UVRAG: variants seen among roughly 807,000 people sequenced by gnomAD.
UVRAG encodes UV radiation resistance-associated gene protein.
A neutral mutation model predicts 78.0 loss-of-function variants in UVRAG; 19 were observed. That is an observed-to-expected ratio of 0.24 (90% CI 0.17 to 0.36). The LOEUF (loss-of-function observed/expected upper bound fraction) is 0.36, where lower values mean the gene tolerates loss of function less well. Ranked by LOEUF, UVRAG falls within the 10% of genes least tolerant of loss-of-function variation. UVRAG has a pLI of 1.00. For missense variants in UVRAG, 740 were observed against 853.8 expected, an observed-to-expected ratio of 0.87 and a Z score of 1.66; for synonymous variants, 323 against 324.6, an observed-to-expected ratio of 1.00 and a Z score of 0.05.
intron 2 of UVRAG, among the ~76,000 whole-genome samples, chr11:75,859,518 C>T (rs967096199): frequency 2.0e-5 from 3 of 151,624 alleles, no homozygotes; most frequent in African/African-American, 7.3e-5. Context: ...TAAACAATAA[C>T]AATAAAAATT....
chr11:75,894,267 A>G (rs1200574730), intron 5 of UVRAG, among the ~76,000 whole-genome samples: 1 of 152,056 alleles, frequency 6.6e-6, no homozygotes, highest in African/African-American at 2.4e-5. Flanking sequence ...TGAGGGTAAA[A>G]GTTTCAAAAC....
chr11:76,020,649 CTTT>C (rs35112254), intron 12 of UVRAG, among the ~76,000 whole-genome samples: 32 of 52,258 alleles, frequency 6.1e-4, no homozygotes, highest in African/African-American at 2.1e-3. Context: ...AAGAAGGAGT[CTTT>C]TTTTTTTTTT....
chr11:75,930,716 AGTT>A (rs1948214060), intron 6 of UVRAG: 1 of 152,230 alleles, frequency 6.6e-6, no homozygotes. Flanking sequence ...GGTAGAAAGA[AGTT>A]GTCGTGTGGA....
At position 75,945,756 on chromosome 11, in the gene UVRAG, G is replaced by T. The variant is rs368200840; in HGVS notation, c.594-15688G>T. 5.9e-4 allele frequency among the ~76,000 whole-genome samples: 89 copies of T among 152,028 alleles called. 1 individual carries two copies. The highest frequency in any genetic ancestry group is 2.1e-3 in the African/African-American group (87 of 41,462). ...TGACCCTGTGCTCCAGCCTTGCTAA[G>T]CTGCTTACAGTTCCTGAAAATGTTA... is the stretch of plus-strand genomic sequence containing the variant. On this transcript the variant is annotated intron_variant, in intron 6 of 14. Coordinates refer to ENST00000356136, the MANE Select transcript of UVRAG (RefSeq NM_003369.4).
At chr11:75,951,973 GA>G (rs1444094778) in intron 6 of UVRAG, among the ~76,000 whole-genome samples, 1 of 152,126 alleles carries the variant, frequency 6.6e-6, no homozygotes, top group Non-Finnish European at 1.5e-5. Flanking sequence ...TCCAATCCAT[GA>G]AATGATATAT....
At chr11:76,075,397 G>C (rs970052471) in intron 13 of UVRAG, among the ~76,000 whole-genome samples, 1 of 152,118 alleles carries the variant, frequency 6.6e-6, no homozygotes, top group Non-Finnish European at 1.5e-5. Context: ...GATCACTTGA[G>C]GTCAGGAGTT....
rs113400461 is a variant in UVRAG, at chr11:75,984,261, T to A, written c.826+748T>A. On this transcript the variant is annotated intron_variant, in intron 8 of 14. Transcript: ENST00000356136. ...AGGGTGAACAACCGGTACTCTATAA[T>A]GTACTCTGTTGCTAGTGTTTTTTGG... 6.2e-3 allele frequency among the ~76,000 whole-genome samples: 949 copies of A among 152,344 alleles called. 11 individuals carry two copies. Among genetic ancestry groups the A allele is most frequent in the African/African-American group, 0.022 (906 of 41,582 alleles).
intron 12 of UVRAG, among the ~76,000 whole-genome samples, chr11:76,033,265 A>G (rs1301974167): frequency 7.2e-5 from 11 of 152,186 alleles, no homozygotes. Flanking sequence ...GGAAAGCAAA[A>G]ATAATGGCTT....
chr11:76,105,444 A>T (rs1023923368), intron 13 of UVRAG, among the ~76,000 whole-genome samples: 2 of 152,068 alleles, frequency 1.3e-5, no homozygotes, highest in Non-Finnish European at 2.9e-5. Context: ...CATTAGGAAC[A>T]TGCAAATTAA....
Position 76,031,086 on chromosome 11 carries a change from TA to T in UVRAG, c.1226+14107del, listed in dbSNP as rs141710960. Among the ~76,000 whole-genome samples, 768 of 152,242 alleles carry T rather than the reference TA, an allele frequency of 5.0e-3. 8 individuals are homozygous for T. The highest frequency in any genetic ancestry group is 8.1e-3 in the Non-Finnish European group (551 of 68,014). On this transcript the variant is annotated intron_variant, in intron 12 of 14. Coordinates refer to ENST00000356136, the MANE Select transcript of UVRAG (RefSeq NM_003369.4). ...AACATTCAGTTTTTGCAAATTCTATTAGGTAATCTGACACTCTACTCTGTGA... is the reference window on the plus strand; with the variant it reads ...AACATTCAGTTTTTGCAAATTCTATTGGTAATCTGACACTCTACTCTGTGA...
chr11:75,977,567 C>CAT (rs1403401263), intron 7 of UVRAG, among the ~76,000 whole-genome samples: 1 of 152,116 alleles, frequency 6.6e-6, no homozygotes, highest in Non-Finnish European at 1.5e-5. Flanking sequence ...GTATTGGGTG[C>CAT]ATATATATTT....
chr11:76,044,205 T>C (rs1263124570), intron 12 of UVRAG, among the ~76,000 whole-genome samples: 2 of 151,968 alleles, frequency 1.3e-5, no homozygotes, highest in Non-Finnish European at 2.9e-5. Context: ...CTGTAGGAGG[T>C]TGAGAAATGT....
At chr11:75,918,762 T>C (rs1273570552) in intron 6 of UVRAG, among the ~76,000 whole-genome samples, 1 of 152,222 alleles carries the variant, frequency 6.6e-6, no homozygotes, top group African/African-American at 2.4e-5. Context: ...ATTGATCAAA[T>C]TGAACTATTG....
chr11:75,847,282 C>T (rs937220766), intron 1 of UVRAG, among the ~76,000 whole-genome samples: 2 of 151,794 alleles, frequency 1.3e-5, no homozygotes, highest in African/African-American at 4.9e-5. Context: ...TGTGTGCCAC[C>T]ACGCCTGGCT....
intron 6 of UVRAG, among the ~76,000 whole-genome samples, chr11:75,949,523 A>ATG (rs1948643552): frequency 6.6e-6 from 1 of 151,996 alleles, no homozygotes; most frequent in Non-Finnish European, 1.5e-5. Context: ...ATCCTCTTGG[A>ATG]TGTTACACAG....
chr11:75,912,803 C>T (rs1947767901), intron 6 of UVRAG, among the ~76,000 whole-genome samples: 1 of 152,152 alleles, frequency 6.6e-6, no homozygotes, highest in African/African-American at 2.4e-5. Context: ...CAGAAGGATG[C>T]TCGGAGAACT....
At position 76,142,437 on chromosome 11, in the gene UVRAG, G is replaced by T; in HGVS notation, c.*1024G>T. The T allele has an allele frequency of 6.6e-6, 1 of 152,550 alleles. No homozygotes were observed. Among genetic ancestry groups the T allele is most frequent in the East Asian group, 1.9e-4 (1 of 5,190 alleles). 9.4% of individuals were successfully genotyped at this position (152,550 alleles called of 1,614,324 possible). The stretch of plus-strand genomic sequence containing the variant: ...TTGAGATAGTTGGATTAAGAGGCTA[G>T]ACGAGACATAGAATACTATTGGTAT... On this transcript the variant is annotated 3_prime_UTR_variant, in exon 15 of 15. Transcript: ENST00000356136.
At chr11:76,093,283 A>T (rs1951735764) in intron 13 of UVRAG, among the ~76,000 whole-genome samples, 1 of 152,186 alleles carries the variant, frequency 6.6e-6, no homozygotes, top group Non-Finnish European at 1.5e-5. Context: ...GTTTGGAGTC[A>T]GGTAGCGTGA....
At chr11:76,128,287 G>C (rs1288706198) in intron 14 of UVRAG, among the ~76,000 whole-genome samples, 1 of 152,156 alleles carries the variant, frequency 6.6e-6, no homozygotes, top group Non-Finnish European at 1.5e-5. Context: ...TCTAGGTTGT[G>C]TGCTCCTTGT....
Sources: gnomAD v4.1 joint callset for allele counts (sites outside exome capture counted in the v4.1 genomes callset) on GRCh38, gnomAD v4.1.1 for gene constraint, MANE v1.5 for transcripts, NCBI Gene and HGNC (gene_info 2026-07-23, HGNC 2026-07-21) for gene names.